The following TRPS1 variants were observed in gnomAD, a reference collection of about 807,000 sequenced individuals.
TRPS1 encodes zinc finger transcription factor Trps1.
Under a neutral mutation model 101.2 loss-of-function variants are expected in TRPS1, and 6 were observed. The observed-to-expected ratio is 0.06, with a 90% confidence interval of 0.03 to 0.12. TRPS1 has a LOEUF of 0.12. Ranked by LOEUF, TRPS1 falls within the 10% of genes least tolerant of loss-of-function variation. The pLI is 1.00. For synonymous variants in TRPS1, 578 were observed against 589.8 expected, an observed-to-expected ratio of 0.98 and a Z score of 0.29; for missense variants, 1,363 against 1,567.0, an observed-to-expected ratio of 0.87 and a Z score of 2.20.
rs111272956 is a variant in TRPS1, at chr8:115,438,026, T to C, written c.2701-19574A>G. Among the ~76,000 whole-genome samples, 1,045 of 152,282 alleles carry C rather than the reference T, an allele frequency of 6.9e-3. 8 individuals carry two copies. The highest frequency in any genetic ancestry group is 0.017 in the African/African-American group (701 of 41,538). On this transcript the variant is annotated intron_variant, in intron 5 of 6. Coordinates refer to ENST00000395715, the MANE Select transcript of TRPS1 (RefSeq NM_014112.5). ...AAATACCAAAACATGGCATTTTTTT[T>C]CTACATTTAAATGAAAGCAAGTCAA...
At chr8:115,569,963 T>TA (rs1295388993) in intron 5 of TRPS1, among the ~76,000 whole-genome samples, 1 of 152,080 alleles carries the variant, frequency 6.6e-6, no homozygotes, top group East Asian at 1.9e-4. Flanking sequence ...ATTTAACAAA[T>TA]AGACTTTTTA....
At chr8:115,510,573 G>A (rs1384880310) in intron 5 of TRPS1, among the ~76,000 whole-genome samples, 1 of 151,854 alleles carries the variant, frequency 6.6e-6, no homozygotes. Context: ...TTTCTCAATC[G>A]TCAATTTCTT....
At chr8:115,544,898 A>T (rs1447852021) in intron 5 of TRPS1, among the ~76,000 whole-genome samples, 1 of 151,856 alleles carries the variant, frequency 6.6e-6, no homozygotes, top group Non-Finnish European at 1.5e-5. Context: ...AAAAAGCAAG[A>T]TATAACTTTT....
intron 1 of TRPS1, among the ~76,000 whole-genome samples, chr8:115,629,682 A>G (rs1586474686): frequency 1.3e-5 from 2 of 152,030 alleles, no homozygotes; most frequent in East Asian, 3.9e-4. Flanking sequence ...TTAATTAAAT[A>G]TGGAATGTGG....
chr8:115,464,443 T>G (rs1563750137), intron 5 of TRPS1, among the ~76,000 whole-genome samples: 1 of 152,118 alleles, frequency 6.6e-6, no homozygotes, highest in Non-Finnish European at 1.5e-5. Flanking sequence ...TCAAACTATT[T>G]AGGAAACTGT....
At position 115,664,757 on chromosome 8, in the gene TRPS1, G is replaced by A. The variant is rs150056125; in HGVS notation, c.-122+3788C>T. ...GTAACTTGTGAGCTGCAATATTTGG[G>A]ACAGAACTGTCTGAGTTTATAGTTT... On this transcript the variant is annotated intron_variant, in intron 1 of 6. Coordinates refer to ENST00000395715, the MANE Select transcript of TRPS1 (RefSeq NM_014112.5). Among the ~76,000 whole-genome samples, 1,417 of 152,206 alleles carry A rather than the reference G, an allele frequency of 9.3e-3. 55 individuals are homozygous for A. The highest frequency in any genetic ancestry group is 0.066 in the Admixed American group (1,013 of 15,298).
At chr8:115,490,217 T>C (rs2130099276) in intron 5 of TRPS1, among the ~76,000 whole-genome samples, 1 of 152,260 alleles carries the variant, frequency 6.6e-6, no homozygotes, top group African/African-American at 2.4e-5. Flanking sequence ...AATGTCTGAA[T>C]TCTCATAAAA....
chr8:115,451,098 C>A (rs1488501365), intron 5 of TRPS1, among the ~76,000 whole-genome samples: 2 of 152,114 alleles, frequency 1.3e-5, no homozygotes, highest in Admixed American at 1.3e-4. Flanking sequence ...ACAAAGATGA[C>A]GTGACATAAT....
At chr8:115,515,210 A>C (rs1006836892) in intron 5 of TRPS1, 19 of 695,486 alleles carry the variant, frequency 2.7e-5, no homozygotes, top group Non-Finnish European at 4.7e-5. Flanking sequence ...TAAGATCTTC[A>C]TGGAAGCAAT....
intron 5 of TRPS1, among the ~76,000 whole-genome samples, chr8:115,568,645 G>A (rs542489715): frequency 6.6e-6 from 1 of 151,928 alleles, no homozygotes; most frequent in East Asian, 1.9e-4. Context: ...TCCACAAATG[G>A]CTTTTTTAGG....
In TRPS1 at chr8:115,587,129, A is replaced by C. The variant is rs1404627119; in HGVS notation, c.2572T>G (p.Leu858Val). Residue 858 changes from leucine (L) to valine (V), a missense_variant, in exon 5 of 7, where the codon TTG (leucine) becomes GTG (valine). Transcript: ENST00000395715. Reference sequence around the variant, plus strand: ...AGGAATCCCTTGGTTTCCACAGCCAAGCCATAAATAGGTCGCGCCAGATGG... The same window carrying C: ...AGGAATCCCTTGGTTTCCACAGCCACGCCATAAATAGGTCGCGCCAGATGG... ...AAHLARPIYG[L>V]AVETKGFLQG... 2 of 1,614,152 alleles carry C rather than the reference A, an allele frequency of 1.2e-6. No individual in the cohort carries two copies. Among genetic ancestry groups the C allele is most frequent in the Admixed American group, 3.3e-5 (2 of 60,034 alleles).
intron 5 of TRPS1, among the ~76,000 whole-genome samples, chr8:115,516,157 T>G (rs1340579498): frequency 7.4e-6 from 1 of 135,774 alleles, no homozygotes; most frequent in Non-Finnish European, 1.6e-5. Flanking sequence ...AATGTTACTT[T>G]AAGACCAATT....
chr8:115,502,005 A>G (rs891547373), intron 5 of TRPS1, among the ~76,000 whole-genome samples: 9 of 152,014 alleles, frequency 5.9e-5, no homozygotes, highest in Non-Finnish European at 8.8e-5. Context: ...CCATCAACAA[A>G]GTTTATCAAG....
At chr8:115,538,048 T>A (rs1029111914) in intron 5 of TRPS1, among the ~76,000 whole-genome samples, 1 of 152,210 alleles carries the variant, frequency 6.6e-6, no homozygotes, top group Non-Finnish European at 1.5e-5. Flanking sequence ...GTACAAATTA[T>A]TTCCAGGTGC....
intron 2 of TRPS1, 80 bp downstream of exon 2, chr8:115,623,521 A>G (rs1329229772): frequency 7.2e-6 from 11 of 1,527,626 alleles, no homozygotes; most frequent in Non-Finnish European, 8.1e-6. Context: ...TCTAAGACAA[A>G]TAACAGATTG....
At chr8:115,606,219 A>G (rs1251037674) in intron 3 of TRPS1, among the ~76,000 whole-genome samples, 2 of 152,196 alleles carry the variant, frequency 1.3e-5, no homozygotes, top group Non-Finnish European at 2.9e-5. Flanking sequence ...ATATTGCTGT[A>G]GTACACTGAG....
intron 5 of TRPS1, among the ~76,000 whole-genome samples, chr8:115,513,517 C>T (rs928483186): frequency 6.6e-6 from 1 of 151,580 alleles, no homozygotes; most frequent in South Asian, 2.1e-4. Context: ...AAGGCTTTTA[C>T]TTAACAGAGC....
At chr8:115,453,508 T>G (rs910903148) in intron 5 of TRPS1, among the ~76,000 whole-genome samples, 11 of 152,222 alleles carry the variant, frequency 7.2e-5, no homozygotes, top group Admixed American at 3.3e-4. Context: ...TATGTATGTG[T>G]AGATATCTCA....
At chr8:115,439,962 A>G (rs775481447) in intron 5 of TRPS1, among the ~76,000 whole-genome samples, 1 of 152,172 alleles carries the variant, frequency 6.6e-6, no homozygotes, top group Non-Finnish European at 1.5e-5. Flanking sequence ...CTTTAGATCT[A>G]AAAAGAAACA....
Sources: gnomAD v4.1 joint callset for allele counts (sites outside exome capture counted in the v4.1 genomes callset) on GRCh38, gnomAD v4.1.1 for gene constraint, MANE v1.5 for transcripts, NCBI Gene and HGNC (gene_info 2026-07-23, HGNC 2026-07-21) for gene names.